MALRD1: variants seen among roughly 807,000 people sequenced by gnomAD.
The protein encoded by MALRD1 is MAM and LDL-receptor class A domain-containing protein 1.
In MALRD1, 247 loss-of-function variants were observed where a neutral mutation model predicts 242.1. That is an observed-to-expected ratio of 1.02 (90% confidence interval 0.92 to 1.13). The LOEUF is 1.13. Among genes scored for constraint, MALRD1 ranks in the 50% most tolerant of loss-of-function variants. The pLI, the probability that MALRD1 is intolerant of heterozygous loss-of-function variation, is 0.00. For missense variants in MALRD1, 2,989 were observed against 2,533.1 expected, an observed-to-expected ratio of 1.18 and a Z score of -3.86; for synonymous variants, 995 against 866.6, an observed-to-expected ratio of 1.15 and a Z score of -2.60.
chr10:19,674,958 A>G (rs1039890385), intron 36 of MALRD1, among the ~76,000 whole-genome samples: 1 of 151,692 alleles, frequency 6.6e-6, no homozygotes, highest in Non-Finnish European at 1.5e-5. Context: ...CAACTTCAGG[A>G]CATTTTTTTA....
chr10:19,102,438 AT>A (rs761875248), intron 4 of MALRD1, among the ~76,000 whole-genome samples: 29 of 152,114 alleles, frequency 1.9e-4, no homozygotes, highest in Non-Finnish European at 2.8e-4. Flanking sequence ...TGGACTTTTA[AT>A]AGAGTGATAG....
intron 33 of MALRD1, among the ~76,000 whole-genome samples, chr10:19,572,241 AGAG>A (rs1226352410): frequency 6.6e-6 from 1 of 152,222 alleles, no homozygotes; most frequent in Admixed American, 6.5e-5. Context: ...AGTCAGCAGA[AGAG>A]TGTGTTTATT....
intron 26 of MALRD1, among the ~76,000 whole-genome samples, chr10:19,384,381 TTACTA>T (rs1195660195): frequency 1.8e-5 from 2 of 110,510 alleles, no homozygotes; most frequent in Non-Finnish European, 3.4e-5. Context: ...AATATAATAT[TTACTA>T]TATATTATAT....
chr10:19,639,959 G>A (rs908916653), intron 36 of MALRD1, among the ~76,000 whole-genome samples: 41 of 152,254 alleles, frequency 2.7e-4, no homozygotes, highest in African/African-American at 9.6e-4. Context: ...CCACAGCAAA[G>A]CTGTGCAGGT....
chr10:19,489,951 A>G (rs1464534578), intron 29 of MALRD1, among the ~76,000 whole-genome samples: 2 of 152,182 alleles, frequency 1.3e-5, no homozygotes, highest in African/African-American at 4.8e-5. Flanking sequence ...AAAAATTTGC[A>G]TATGTAGCAT....
chr10:19,170,538 T>C (rs1263551676), intron 13 of MALRD1, among the ~76,000 whole-genome samples: 2 of 152,162 alleles, frequency 1.3e-5, no homozygotes, highest in Non-Finnish European at 2.9e-5. Flanking sequence ...TATTTGACGA[T>C]TCAGTGAAGG....
intron 38 of MALRD1, among the ~76,000 whole-genome samples, chr10:19,706,634 G>A (rs1156900129): frequency 6.6e-6 from 1 of 152,082 alleles, no homozygotes; most frequent in African/African-American, 2.4e-5. Flanking sequence ...TTACAGGTAT[G>A]AGCCACCACC....
At chr10:19,169,425 A>G (rs183703624) in intron 13 of MALRD1, among the ~76,000 whole-genome samples, 36 of 152,336 alleles carry the variant, frequency 2.4e-4, no homozygotes, top group African/African-American at 8.4e-4. Context: ...ACTATTAAAT[A>G]TTTCTAACTA....
At chr10:19,348,721 TC>T (rs779419562) in intron 25 of MALRD1, among the ~76,000 whole-genome samples, 112 of 152,172 alleles carry the variant, frequency 7.4e-4, no homozygotes, top group Admixed American at 1.2e-3. Flanking sequence ...TTGTTTATAT[TC>T]CATAAAAGAC....
intron 36 of MALRD1, among the ~76,000 whole-genome samples, chr10:19,651,952 C>T (rs573105182): frequency 6.7e-4 from 102 of 152,294 alleles, no homozygotes; most frequent in African/African-American, 2.3e-3. Flanking sequence ...AAGCCAGGCA[C>T]AAGGGCCAAA....
At chr10:19,575,011 G>A (rs748778232) in intron 33 of MALRD1, among the ~76,000 whole-genome samples, 6 of 152,202 alleles carry the variant, frequency 3.9e-5, no homozygotes, top group Non-Finnish European at 7.3e-5. Context: ...TGGAAAGACA[G>A]GTAGGAATGT....
intron 21 of MALRD1, among the ~76,000 whole-genome samples, chr10:19,298,645 C>A (rs1026050343): frequency 6.6e-6 from 1 of 151,898 alleles, no homozygotes; most frequent in African/African-American, 2.4e-5. Flanking sequence ...TTTTAAAAAG[C>A]ATCAGCAGGA....
intron 38 of MALRD1, among the ~76,000 whole-genome samples, chr10:19,695,293 G>C (rs1833322504): frequency 6.6e-6 from 1 of 152,078 alleles, no homozygotes; most frequent in Non-Finnish European, 1.5e-5. Flanking sequence ...TGAGGGGCTA[G>C]ATTTGCCATT....
intron 36 of MALRD1, among the ~76,000 whole-genome samples, chr10:19,691,440 A>T (rs560379165): frequency 3.0e-4 from 46 of 152,082 alleles, no homozygotes; most frequent in Non-Finnish European, 5.6e-4. Flanking sequence ...CTCAGTTTTT[A>T]TACACTCATA....
intron 21 of MALRD1, among the ~76,000 whole-genome samples, chr10:19,312,924 T>C (rs565624015): frequency 1.1e-4 from 17 of 151,628 alleles, no homozygotes; most frequent in Non-Finnish European, 2.2e-4. Flanking sequence ...ACAGTGATCA[T>C]TGTAAAAACG....
rs1049915542 is a variant in MALRD1, at chr10:19,585,460, T to G, written c.5681-9734T>G. 5.9e-5 allele frequency among the ~76,000 whole-genome samples: 9 copies of G among 152,132 alleles called. No individual in the cohort carries two copies. The South Asian group carries it at 6.2e-4, about 11-fold the overall frequency. On this transcript the variant is annotated intron_variant, in intron 33 of 39. Transcript: ENST00000454679. The stretch of plus-strand genomic sequence containing the variant: ...TCTCAACATTTGCTTGTCTGTAAAG[T>G]ATTTTATTTCTCCTTCATTTATGAA...
At chr10:19,627,344 A>G (rs1352690388) in intron 36 of MALRD1, among the ~76,000 whole-genome samples, 1 of 152,090 alleles carries the variant, frequency 6.6e-6, no homozygotes, top group East Asian at 1.9e-4. Flanking sequence ...AGATTCGAAA[A>G]CTTGATCACA....
intron 11 of MALRD1, among the ~76,000 whole-genome samples, chr10:19,148,788 A>ATATATATATATATATATAT (rs1554797975): frequency 1.1e-4 from 10 of 88,044 alleles, no homozygotes; most frequent in Non-Finnish European, 1.7e-4. Context: ...AAAAAAAAAA[A>ATATATATATATATATATAT]ATATATATAT....
At chr10:19,400,573 A>T (rs1156792841) in intron 28 of MALRD1, among the ~76,000 whole-genome samples, 1 of 152,212 alleles carries the variant, frequency 6.6e-6, no homozygotes, top group African/African-American at 2.4e-5. Context: ...TGAAAGATTG[A>T]ATGTACAAGC....
Sources: allele counts gnomAD v4.1 joint callset (sites outside exome capture counted in the v4.1 genomes callset), GRCh38; gene constraint gnomAD v4.1.1; transcripts MANE v1.5; gene names NCBI Gene and HGNC (gene_info 2026-07-23, HGNC 2026-07-21).